Variants in FES observed in about 807,000 individuals in gnomAD.
FES encodes tyrosine-protein kinase Fes/Fps.
In FES, 83 loss-of-function variants were observed where a neutral mutation model predicts 109.6. The observed-to-expected ratio is 0.76, with a 90% CI of 0.63 to 0.91. FES has a LOEUF of 0.91. Ranked by LOEUF, FES falls within the 40% of genes least tolerant of loss-of-function variation. The pLI, the probability that FES is intolerant of heterozygous loss-of-function variation, is 0.00. For missense variants in FES, 943 were observed against 1,070.9 expected, an observed-to-expected ratio of 0.88 and a Z score of 1.67; for synonymous variants, 458 against 442.1, an observed-to-expected ratio of 1.04 and a Z score of -0.45.
At chr15:90,890,901 G>T (rs2033150855) in intron 10 of FES, 81 bp from the exon 11 acceptor site, 2 of 1,351,010 alleles carry the variant, frequency 1.5e-6, no homozygotes, top group African/African-American at 2.9e-5. Flanking sequence ...CATATAGGGG[G>T]GAGAGAGAGA....
intron 18 of FES, 65 bp downstream of exon 18, chr15:90,894,123 T>C: frequency 6.4e-7 from 1 of 1,572,730 alleles, no homozygotes; most frequent in Non-Finnish European, 8.7e-7. Flanking sequence ...AGCCGGACTC[T>C]TCTAACTCCC....
intron 3 of FES, 89 bp from the exon 4 acceptor site, chr15:90,886,872 G>C: frequency 7.9e-7 from 1 of 1,266,158 alleles, no homozygotes. Context: ...CTTGCCTGAC[G>C]ACAGGACCTT....
Position 90,892,741 on chromosome 15 carries a change from G to A in FES, c.1742G>A (p.Arg581Gln), listed in dbSNP as rs767272194. The change falls in exon 14 of 19, where the codon CGA becomes CAA. Residue 581 changes from arginine (R) to glutamine (Q), a missense_variant. Arg to Gln is a conservative substitution (Grantham distance 43, BLOSUM62 1). Coordinates refer to ENST00000328850, the MANE Select transcript of FES (RefSeq NM_002005.4). ...NFGEVFSGRL[R>Q]ADNTLVAVKS... is the part of the protein sequence containing the mutation. ...GGCGAAGTGTTCAGCGGACGCCTGC[G>A]AGCCGACAACACCCTGGTGGCGGTG... 9 of 1,613,074 alleles carry A rather than the reference G, an allele frequency of 5.6e-6. No homozygotes were observed. Among genetic ancestry groups the A allele is most frequent in the East Asian group, 2.2e-5 (1 of 44,856 alleles).
intron 18 of FES, 130 bp downstream of exon 18, chr15:90,894,188 G>A (rs184197293): frequency 1.7e-5 from 18 of 1,083,684 alleles, no homozygotes; most frequent in Admixed American, 1.5e-4. Flanking sequence ...AGTTGCTCAC[G>A]CCTGTCATCC....
chr15:90,891,416 G>T, intron 11 of FES, 138 bp from the exon 12 acceptor site: 1 of 1,238,572 alleles, frequency 8.1e-7, no homozygotes, highest in Non-Finnish European at 1.2e-6. Context: ...TGTGCCATCA[G>T]ATGGCATCTT....
In FES at chr15:90,889,409, G is replaced by C. The variant is rs745952463; in HGVS notation, c.772G>C (p.Glu258Gln). 8.7e-6 allele frequency: 14 copies of C among 1,613,984 alleles called. No homozygotes were observed. Among genetic ancestry groups the C allele is most frequent in the Non-Finnish European group, 8.5e-7 (1 of 1,180,032 alleles). The change falls in exon 6 of 19, where the codon GAG becomes CAG. Residue 258 changes from glutamate (E) to glutamine (Q), a missense_variant. Coordinates refer to ENST00000328850, the MANE Select transcript of FES (RefSeq NM_002005.4). The surrounding 1 kb of genome is among the most constrained non-coding windows in gnomAD (Gnocchi z 6.1). ...MAAAAARIQP[E>Q]AEYQGFLRQY... ...TGCAGCTGCTGCCCGCATCCAGCCTGAGGCTGAGTACCAAGGCTTCCTGCG... is the reference window on the plus strand; with the variant it reads ...TGCAGCTGCTGCCCGCATCCAGCCTCAGGCTGAGTACCAAGGCTTCCTGCG...
rs781166817 is a variant in FES at position 90,890,076 on chromosome 15, C to G, written c.1050-16C>G. The G allele has an allele frequency of 5.8e-6, 9 of 1,539,496 alleles. No individual in the cohort carries two copies. The Admixed American group carries it at 1.2e-4, about 20-fold the overall frequency. ...CCCTTATTCTCATCCACCCTCCCAC[C>G]CGCCCCTGCCTGCAGGGTGCAGCTG... On this transcript the variant is annotated splice_polypyrimidine_tract_variant and intron_variant, in intron 8 of 18. Transcript: ENST00000328850.
At chr15:90,892,528 C>G in intron 13 of FES, 179 bp from the exon 14 acceptor site, 1 of 598,270 alleles carries the variant, frequency 1.7e-6, no homozygotes, top group East Asian at 2.8e-5. Context: ...AGGCAACTTT[C>G]CCTGCCTGCC....
Position 90,895,530 on chromosome 15 carries a change from T to C in FES, c.2441T>C (p.Leu814Pro). The change falls in exon 19 of 19, where the codon CTG (leucine) becomes CCG (proline). Residue 814 changes from leucine (L) to proline (P), a missense_variant. By Grantham distance (98) the Leu-to-Pro change is moderately conservative. Coordinates refer to ENST00000328850, the MANE Select transcript of FES (RefSeq NM_002005.4). ...RPSFSTIYQELQSIRKRHR is the reference protein window; with the variant it reads ...RPSFSTIYQEPQSIRKRHR Reference sequence around the variant, plus strand: ...AGCTTCAGCACCATCTACCAGGAGCTGCAGAGCATCCGAAAGCGGCATCGG... The same window carrying C: ...AGCTTCAGCACCATCTACCAGGAGCCGCAGAGCATCCGAAAGCGGCATCGG... 6.3e-7 allele frequency: 1 copy of C among 1,593,814 alleles called. No homozygotes were observed. Among genetic ancestry groups the C allele is most frequent in the Non-Finnish European group, 8.6e-7 (1 of 1,168,598 alleles).
At chr15:90,888,015 G>A (rs1479737806) in intron 5 of FES, among the ~76,000 whole-genome samples, 1 of 152,210 alleles carries the variant, frequency 6.6e-6, no homozygotes, top group Non-Finnish European at 1.5e-5. Flanking sequence ...AAGGGCTACT[G>A]GGTGATAGAG....
At chr15:90,891,397 A>G (rs1026865905) in intron 11 of FES, 157 bp from the exon 12 acceptor site, 9 of 1,120,878 alleles carry the variant, frequency 8.0e-6, no homozygotes, top group African/African-American at 1.5e-5. Flanking sequence ...GTGGGGCAGC[A>G]GGATGTCATG....
intron 14 of FES, 42 bp downstream of exon 14, chr15:90,892,867 A>G (rs564643093): frequency 1.3e-6 from 2 of 1,582,658 alleles, no homozygotes; most frequent in Admixed American, 1.7e-5. Flanking sequence ...CCGCATACAC[A>G]GAGGTTACAC....
intron 18 of FES, 76 bp from the exon 19 acceptor site, chr15:90,895,340 C>A: frequency 7.7e-7 from 1 of 1,303,822 alleles, no homozygotes; most frequent in Non-Finnish European, 1.0e-6. Context: ...TCCTATGGCT[C>A]ATGGTATCCC....
intron 1 of FES, 85 bp from the exon 2 acceptor site, chr15:90,884,952 C>A: frequency 1.7e-6 from 2 of 1,145,810 alleles, no homozygotes; most frequent in Non-Finnish European, 2.5e-6. Flanking sequence ...TCCATCCTGA[C>A]CCTACAGTCC....
At chr15:90,888,155 G>C (rs987406443) in intron 5 of FES, among the ~76,000 whole-genome samples, 8 of 152,214 alleles carry the variant, frequency 5.3e-5, no homozygotes, top group Non-Finnish European at 7.3e-5. Flanking sequence ...GCCCAGGCTA[G>C]AGTGCAGTGG....
Position 90,893,927 on chromosome 15 carries a change from C to T in FES, c.2204-9C>T, listed in dbSNP as rs1015504835. 6.2e-7 allele frequency: 1 copy of T among 1,613,516 alleles called. No homozygotes were observed. The highest frequency in any genetic ancestry group is 8.5e-7 in the Non-Finnish European group (1 of 1,179,984). On this transcript the variant is annotated splice_polypyrimidine_tract_variant and intron_variant, in intron 17 of 18. Transcript: ENST00000328850. Reference sequence around the variant, plus strand: ...CTCACGCTGCCTCACCTCCTCGCCTCCTCTGCAGGCCGCTACTCCTCCGAA... The same window carrying T: ...CTCACGCTGCCTCACCTCCTCGCCTTCTCTGCAGGCCGCTACTCCTCCGAA...
At position 90,890,204 on chromosome 15, in the gene FES, C is replaced by G. The variant is rs1397536248; in HGVS notation, c.1162C>G (p.Leu388Val). 1.2e-6 allele frequency: 2 copies of G among 1,601,618 alleles called. No homozygotes were observed. Among genetic ancestry groups the G allele is most frequent in the East Asian group, 4.5e-5 (2 of 44,784 alleles). The change falls in exon 9 of 19, where the codon CTG becomes GTG. Residue 388 changes from leucine (L) to valine (V), a missense_variant. Leu to Val is a conservative substitution (Grantham distance 32). Transcript: ENST00000328850. ...QAQQELLQTK[L>V]EHLGPGEPPP... ...CCAGCAGGAGTTGCTGCAGACCAAG[C>G]TGGAGCACCTGGGCCCCGGCGAGCC...
rs201841209 is a variant in FES at position 90,890,277 on chromosome 15, C to T, written c.1235C>T (p.Ser412Leu). 68 of 1,590,138 alleles carry T rather than the reference C, an allele frequency of 4.3e-5. No individual in the cohort carries two copies. Among genetic ancestry groups the T allele is most frequent in the East Asian group, 3.1e-4 (14 of 44,544 alleles). Reference sequence around the variant, plus strand: ...GATGACCGCCACTCCACGTCGTCCTCGGTGAGCTGCCCCATCCGCGGCCGC... The same window carrying T: ...GATGACCGCCACTCCACGTCGTCCTTGGTGAGCTGCCCCATCCGCGGCCGC... ...LQDDRHSTSS[S>L]EQEREGGRTP... The change falls in exon 9 of 19, where the codon TCG becomes TTG. Residue 412 changes from serine (S) to leucine (L), a missense_variant and splice_region_variant. Ser to Leu is a moderately radical substitution (Grantham distance 145). Transcript: ENST00000328850.
chr15:90,893,485 G>GC, intron 16 of FES, 71 bp downstream of exon 16: 4 of 1,503,906 alleles, frequency 2.7e-6, no homozygotes, highest in Non-Finnish European at 3.5e-6. Flanking sequence ...TACCCCTAGG[G>GC]CCCCCCGCTG....
Sources: gnomAD v4.1 joint callset for allele counts (sites outside exome capture counted in the v4.1 genomes callset) on GRCh38, gnomAD v4.1.1 for gene constraint, Gnocchi (gnomAD v3.1) non-coding constraint, MANE v1.5 for transcripts, NCBI Gene and HGNC (gene_info 2026-07-23, HGNC 2026-07-21) for gene names.